The following MAST4 variants were observed in gnomAD, a reference collection of about 807,000 sequenced individuals.
MAST4 encodes microtubule associated serine/threonine kinase family member 4.
MAST4 carries 89 observed loss-of-function variants against 162.7 expected under a neutral mutation model. The ratio of observed to expected loss-of-function variants is 0.55; its 90% CI spans 0.46 to 0.65. The LOEUF is 0.65. Among genes scored for constraint, MAST4 ranks in the 30% least tolerant of loss-of-function variants. The pLI is 0.00. For missense variants in MAST4, 3,153 were observed against 3,374.0 expected (o/e 0.93, Z 1.62); for synonymous variants, 1,479 against 1,361.1 (o/e 1.09, Z -1.91).
intron 4 of MAST4, among the ~76,000 whole-genome samples, chr5:66,981,884 C>T (rs1748890191): frequency 6.6e-6 from 1 of 152,166 alleles, no homozygotes; most frequent in Non-Finnish European, 1.5e-5. Context: ...TTTGAGGACA[C>T]TTCTCACACA....
rs183994483 is a variant in MAST4, at chr5:66,872,814, A to G, written c.643-27137A>G. 8.2e-3 allele frequency among the ~76,000 whole-genome samples: 1,250 copies of G among 152,314 alleles called. 11 individuals carry two copies. Among genetic ancestry groups the G allele is most frequent in the Non-Finnish European group, 0.012 (841 of 68,028 alleles). ...AGGCACTAAAATACTGGGTGCATTA[A>G]GTACATCCACTGTTATACACAGCAT... On this transcript the variant is annotated intron_variant, in intron 3 of 28. Transcript: ENST00000403625.
chr5:66,926,985 G>A, intron 4 of MAST4, among the ~76,000 whole-genome samples: 1 of 152,106 alleles, frequency 6.6e-6, no homozygotes, highest in Non-Finnish European at 1.5e-5. Context: ...GTTGGGTAGT[G>A]AATATACAGG....
chr5:66,864,255 A>G (rs1161745114), intron 3 of MAST4, among the ~76,000 whole-genome samples: 1 of 152,204 alleles, frequency 6.6e-6, no homozygotes, highest in Non-Finnish European at 1.5e-5. Context: ...AGGAGGGGAC[A>G]TTTGAACATT....
At chr5:67,006,006 C>G (rs1409818982) in intron 4 of MAST4, among the ~76,000 whole-genome samples, 1 of 152,126 alleles carries the variant, frequency 6.6e-6, no homozygotes, top group East Asian at 1.9e-4. Flanking sequence ...TCAAAGAACC[C>G]AAGAAAATGG....
At chr5:67,031,341 A>G (rs1035701871) in intron 4 of MAST4, among the ~76,000 whole-genome samples, 2 of 152,012 alleles carry the variant, frequency 1.3e-5, no homozygotes, top group Non-Finnish European at 2.9e-5. Flanking sequence ...ATTGCCCTTG[A>G]ATTTTTTAAT....
chr5:66,750,526 A>G (rs1167898356), intron 1 of MAST4, among the ~76,000 whole-genome samples: 1 of 152,222 alleles, frequency 6.6e-6, no homozygotes, highest in East Asian at 1.9e-4. Flanking sequence ...AGTCAAAGAA[A>G]GGGGTGACGG....
At chr5:66,769,603 A>T (rs1202778632) in intron 2 of MAST4, among the ~76,000 whole-genome samples, 1 of 152,218 alleles carries the variant, frequency 6.6e-6, no homozygotes, top group African/African-American at 2.4e-5. Flanking sequence ...TACTGCAGGC[A>T]ACTGTAACAC....
At chr5:67,098,247 G>A (rs752150981) in intron 7 of MAST4, among the ~76,000 whole-genome samples, 19 of 152,128 alleles carry the variant, frequency 1.2e-4, no homozygotes, top group Admixed American at 3.3e-4. Context: ...ATTGCTAAAT[G>A]TTAAAAATGC....
At chr5:66,680,966 A>G (rs1361631335) in intron 1 of MAST4, among the ~76,000 whole-genome samples, 3 of 152,168 alleles carry the variant, frequency 2.0e-5, no homozygotes, top group African/African-American at 7.2e-5. Flanking sequence ...CTGACCTCCC[A>G]GTCATGGTGG....
rs1773092653 is a variant in MAST4, at chr5:67,160,687, T to C, written c.3785+95T>C. ...AATGCTTATATATGAAGAAGATCTA[T>C]TTTTCTGTGAGAAATTTTATGTTAT... On this transcript the variant is annotated intron_variant, in intron 27 of 28. Coordinates refer to ENST00000403625, the MANE Select transcript of MAST4 (RefSeq NM_001164664.2). 5 of 1,372,392 alleles carry C rather than the reference T, an allele frequency of 3.6e-6. 1 individual carries two copies. The South Asian group carries it at 5.9e-5, about 16-fold the overall frequency. 85.0% of individuals were successfully genotyped at this position (1,372,392 alleles called of 1,614,324 possible).
intron 21 of MAST4, among the ~76,000 whole-genome samples, chr5:67,143,767 A>T (rs540065953): frequency 6.6e-6 from 1 of 152,266 alleles, no homozygotes; most frequent in East Asian, 1.9e-4. Context: ...GTGGACTCAG[A>T]CCAGGACTGT....
chr5:67,145,743 A>G (rs777685883), intron 23 of MAST4, among the ~76,000 whole-genome samples: 30 of 152,190 alleles, frequency 2.0e-4, no homozygotes, highest in Admixed American at 9.8e-4. Context: ...ATCTAACTCA[A>G]AAGTTCAGTG....
intron 4 of MAST4, among the ~76,000 whole-genome samples, chr5:67,020,770 C>A (rs946886455): frequency 1.8e-4 from 27 of 152,180 alleles, no homozygotes; most frequent in African/African-American, 6.5e-4. Flanking sequence ...AATCAGCAAG[C>A]CTTTTTTGTA....
chr5:67,146,196 G>A (rs1771062944), intron 23 of MAST4, among the ~76,000 whole-genome samples: 1 of 152,200 alleles, frequency 6.6e-6, no homozygotes, highest in South Asian at 2.1e-4. Flanking sequence ...GCCTTTGAAA[G>A]CACTTTTTAA....
At position 67,142,156 on chromosome 5, in the gene MAST4, T is replaced by C; in HGVS notation, c.2536T>C (p.Leu846=). Residue 846 remains leucine, a synonymous_variant, in exon 20 of 29, where the codon TTA becomes CTA. Transcript: ENST00000403625. ...EVKQHRFFRS[L]DWNSLLRQKA... Reference sequence around the variant, plus strand: ...CAAACAGCATCGATTCTTCCGTTCTTTAGACTGGAACAGTTTGCTGAGACA... The same window carrying C: ...CAAACAGCATCGATTCTTCCGTTCTCTAGACTGGAACAGTTTGCTGAGACA... The C allele has an allele frequency of 6.2e-7, 1 of 1,613,916 alleles. No individual in the cohort carries two copies. Among genetic ancestry groups the C allele is most frequent in the African/African-American group, 1.3e-5 (1 of 75,050 alleles).
At chr5:66,831,547 A>C (rs1289872882) in intron 3 of MAST4, among the ~76,000 whole-genome samples, 1 of 152,204 alleles carries the variant, frequency 6.6e-6, no homozygotes, top group Non-Finnish European at 1.5e-5. Context: ...CGAGACTATT[A>C]GTGGTGTTTT....
In MAST4 at chr5:67,149,555, C is replaced by G; in HGVS notation, c.3261C>G (p.Leu1087=). ...KKISGKVTKS[L]SASALSLMIP... is the part of the protein sequence containing the mutation. ...TCTCGGGGAAAGTCACAAAGTCCCTCTCTGCCAGTGCTCTTTCCCTCATGA... is the reference window on the plus strand; with the variant it reads ...TCTCGGGGAAAGTCACAAAGTCCCTGTCTGCCAGTGCTCTTTCCCTCATGA... The change falls in exon 24 of 29, where the codon CTC becomes CTG. Residue 1087 remains leucine (L), a synonymous_variant. Transcript: ENST00000403625. The G allele has an allele frequency of 6.8e-6, 11 of 1,613,832 alleles. No homozygotes were observed. The highest frequency in any genetic ancestry group is 9.3e-6 in the Non-Finnish European group (11 of 1,179,838).
chr5:67,023,383 A>T, intron 4 of MAST4, among the ~76,000 whole-genome samples: 1 of 152,152 alleles, frequency 6.6e-6, no homozygotes, highest in East Asian at 1.9e-4. Context: ...GGACATTTTT[A>T]GGAGAATCTT....
intron 2 of MAST4, among the ~76,000 whole-genome samples, chr5:66,779,027 G>A (rs1486802577): frequency 6.6e-6 from 1 of 152,198 alleles, no homozygotes. Flanking sequence ...TCCTTTCACA[G>A]CAGTGCTCTG....
Sources: gnomAD v4.1 joint callset for allele counts (sites outside exome capture counted in the v4.1 genomes callset) on GRCh38, gnomAD v4.1.1 for gene constraint, MANE v1.5 for transcripts, NCBI Gene and HGNC (gene_info 2026-07-23, HGNC 2026-07-21) for gene names.